The following NLGN1 variants were observed in gnomAD, a reference collection of about 807,000 sequenced individuals.
NLGN1 encodes the protein neuroligin 1, also known as neuroligin-1.
A neutral mutation model predicts 65.5 loss-of-function variants in NLGN1; 12 were observed. The observed-to-expected ratio is 0.18, with a 90% CI of 0.12 to 0.30. The LOEUF (loss-of-function observed/expected upper bound fraction) is 0.30, where lower values mean the gene tolerates loss of function less well. Ranked by LOEUF, NLGN1 falls within the 10% of genes least tolerant of loss-of-function variation. The pLI is 1.00. For synonymous variants in NLGN1, 350 were observed against 359.5 expected (o/e 0.97, Z 0.30); for missense variants, 750 against 1,007.1 (o/e 0.74, Z 3.46).
chr3:173,756,754 A>T (rs1456017974), intron 3 of NLGN1, among the ~76,000 whole-genome samples: 1 of 114,552 alleles, frequency 8.7e-6, no homozygotes, highest in Non-Finnish European at 2.1e-5. Context: ...TACAAAGACT[A>T]ATGGATAAAT....
At chr3:173,652,136 G>A (rs1376573435) in intron 3 of NLGN1, among the ~76,000 whole-genome samples, 1 of 152,030 alleles carries the variant, frequency 6.6e-6, no homozygotes, top group African/African-American at 2.4e-5. Context: ...TGTTATTGTT[G>A]AGTTTGAGTT....
intron 4 of NLGN1, among the ~76,000 whole-genome samples, chr3:174,122,252 C>G (rs1023906931): frequency 6.6e-6 from 1 of 152,268 alleles, no homozygotes; most frequent in South Asian, 2.1e-4. Context: ...TATTTTCCCC[C>G]GTATAGCAGA....
chr3:173,510,490 C>T (rs73883154), intron 2 of NLGN1, among the ~76,000 whole-genome samples: 5,630 of 152,196 alleles, frequency 0.037, 109 homozygotes, highest in African/African-American at 0.052. Context: ...TAGATAAATA[C>T]GAGAATGGGA....
rs957281474 is a variant in NLGN1, at chr3:173,906,013, T to C, written c.646+98181T>C. On this transcript the variant is annotated intron_variant, in intron 4 of 6. Transcript: ENST00000457714. ...CAAGGGCGATGGATTTTAATACTAT[T>C]GTTTTCTAGTTGAGGAAACAAAGGC... 7.2e-5 allele frequency among the ~76,000 whole-genome samples: 11 copies of C among 152,234 alleles called. No individual in the cohort carries two copies. In the East Asian group the frequency reaches 1.2e-3, roughly 16 times the overall value.
intron 4 of NLGN1, among the ~76,000 whole-genome samples, chr3:173,989,637 T>A (rs1720678142): frequency 6.6e-6 from 1 of 152,224 alleles, no homozygotes; most frequent in Admixed American, 6.5e-5. Flanking sequence ...TAGAAAATCT[T>A]ATTCACAGTG....
intron 1 of NLGN1, among the ~76,000 whole-genome samples, chr3:173,407,139 T>C (rs192231433): frequency 3.0e-3 from 452 of 152,332 alleles, no homozygotes; most frequent in Middle Eastern, 6.8e-3. Context: ...GATCATTAAA[T>C]AGAGTTCAGA....
At chr3:173,429,722 C>T (rs1199686370) in intron 1 of NLGN1, among the ~76,000 whole-genome samples, 1 of 152,102 alleles carries the variant, frequency 6.6e-6, no homozygotes, top group East Asian at 1.9e-4. Flanking sequence ...TAGATGACAC[C>T]CTTGCTCAGA....
At chr3:173,876,693 A>C (rs1176902651) in intron 4 of NLGN1, among the ~76,000 whole-genome samples, 1 of 152,170 alleles carries the variant, frequency 6.6e-6, no homozygotes, top group East Asian at 1.9e-4. Flanking sequence ...TTAGACACTA[A>C]TGGGAAAGAG....
chr3:173,559,044 T>C (rs1051742135), intron 2 of NLGN1, among the ~76,000 whole-genome samples: 1 of 152,220 alleles, frequency 6.6e-6, no homozygotes, highest in African/African-American at 2.4e-5. Flanking sequence ...TGAATAGATG[T>C]ACTAGCTACC....
intron 3 of NLGN1, among the ~76,000 whole-genome samples, chr3:173,733,753 G>T (rs1037865708): frequency 1.3e-5 from 2 of 152,084 alleles, no homozygotes; most frequent in African/African-American, 4.8e-5. Flanking sequence ...CTTCAAAAAT[G>T]CATATGGTCC....
intron 4 of NLGN1, among the ~76,000 whole-genome samples, chr3:174,079,950 C>T (rs1433276222): frequency 2.0e-5 from 3 of 152,068 alleles, no homozygotes; most frequent in Non-Finnish European, 2.9e-5. Flanking sequence ...GGCTTAATAT[C>T]TGGGTGGTGG....
intron 4 of NLGN1, among the ~76,000 whole-genome samples, chr3:173,833,061 C>A (rs1722918521): frequency 9.2e-6 from 1 of 109,112 alleles, no homozygotes; most frequent in Non-Finnish European, 2.0e-5. Flanking sequence ...CAATAAAAAT[C>A]TTTCTTGCAC....
At chr3:173,593,689 A>T (rs1457038059) in intron 2 of NLGN1, among the ~76,000 whole-genome samples, 1 of 152,116 alleles carries the variant, frequency 6.6e-6, no homozygotes, top group Non-Finnish European at 1.5e-5. Flanking sequence ...GGCCCAATTA[A>T]CTGAGCGCTG....
chr3:173,492,008 C>T (rs1729254222), intron 2 of NLGN1, among the ~76,000 whole-genome samples: 1 of 151,770 alleles, frequency 6.6e-6, no homozygotes, highest in Non-Finnish European at 1.5e-5. Context: ...AATTCCTCCT[C>T]ACTGACAAGG....
At chr3:174,187,954 A>G (rs188670910) in intron 4 of NLGN1, among the ~76,000 whole-genome samples, 1 of 152,136 alleles carries the variant, frequency 6.6e-6, no homozygotes, top group African/African-American at 2.4e-5. Context: ...CATAGTAAGT[A>G]CTCATTACAT....
chr3:173,964,946 C>G (rs1714481848), intron 4 of NLGN1, among the ~76,000 whole-genome samples: 1 of 152,180 alleles, frequency 6.6e-6, no homozygotes, highest in African/African-American at 2.4e-5. Context: ...ATCTTCAAAG[C>G]TGTTTTGAGT....
At chr3:173,465,304 T>C (rs1724153169) in intron 2 of NLGN1, among the ~76,000 whole-genome samples, 1 of 152,184 alleles carries the variant, frequency 6.6e-6, no homozygotes, top group Admixed American at 6.5e-5. Flanking sequence ...TCCACTTTAG[T>C]TGTTGCTGAG....
intron 2 of NLGN1, among the ~76,000 whole-genome samples, chr3:173,585,857 A>G (rs1747349317): frequency 6.6e-6 from 1 of 152,158 alleles, no homozygotes; most frequent in Admixed American, 6.5e-5. Context: ...TCTTTTTTTA[A>G]GAATTTTGTA....
intron 5 of NLGN1, among the ~76,000 whole-genome samples, chr3:174,277,044 G>A (rs892462123): frequency 2.0e-5 from 3 of 151,764 alleles, no homozygotes; most frequent in Non-Finnish European, 2.9e-5. Context: ...ATCAACTGAT[G>A]GCATGGTAAA....
Sources: allele counts gnomAD v4.1 joint callset (sites outside exome capture counted in the v4.1 genomes callset), GRCh38; gene constraint gnomAD v4.1.1; transcripts MANE v1.5; gene names NCBI Gene and HGNC (gene_info 2026-07-23, HGNC 2026-07-21).